Variants in CADPS2 observed in about 807,000 individuals in gnomAD.
CADPS2 encodes calcium dependent secretion activator 2.
CADPS2 carries 93 observed loss-of-function variants against 172.5 expected under a neutral mutation model. The ratio of observed to expected loss-of-function variants is 0.54; its 90% CI spans 0.46 to 0.64. CADPS2 has a LOEUF of 0.64. Ranked by LOEUF, CADPS2 falls within the 30% of genes least tolerant of loss-of-function variation. The probability of loss-of-function intolerance (pLI) is 0.00; values close to 1 mark genes in which losing one functional copy is unlikely to be tolerated. For missense variants in CADPS2, 1,420 were observed against 1,565.9 expected, an observed-to-expected ratio of 0.91 and a Z score of 1.57; for synonymous variants, 546 against 555.2, an observed-to-expected ratio of 0.98 and a Z score of 0.23.
intron 1 of CADPS2, among the ~76,000 whole-genome samples, chr7:122,870,656 T>C (rs1585056411): frequency 6.6e-6 from 1 of 152,056 alleles, no homozygotes; most frequent in African/African-American, 2.4e-5. Context: ...AGAAGATAAG[T>C]TGGTGAGGTG....
At chr7:122,463,934 G>A (rs374178378) in intron 14 of CADPS2, among the ~76,000 whole-genome samples, 10 of 152,112 alleles carry the variant, frequency 6.6e-5, no homozygotes, top group Admixed American at 2.6e-4. Flanking sequence ...AGTTGGAGAC[G>A]TCAGTATGAA....
intron 8 of CADPS2, among the ~76,000 whole-genome samples, chr7:122,550,577 C>A (rs1390923154): frequency 6.6e-6 from 1 of 152,076 alleles, no homozygotes; most frequent in African/African-American, 2.4e-5. Flanking sequence ...TCATAACAGT[C>A]ATTTATTAGT....
At chr7:122,621,960 A>G (rs920264895) in intron 4 of CADPS2, among the ~76,000 whole-genome samples, 2 of 152,316 alleles carry the variant, frequency 1.3e-5, no homozygotes, top group Non-Finnish European at 2.9e-5. Context: ...ATATATTTTC[A>G]CATTAAATTT....
chr7:122,685,784 G>A (rs2083545410), intron 2 of CADPS2, among the ~76,000 whole-genome samples: 1 of 152,148 alleles, frequency 6.6e-6, no homozygotes, highest in African/African-American at 2.4e-5. Flanking sequence ...ATCAATATTT[G>A]TTGAATGAAT....
chr7:122,401,527 C>CTTCT (rs1305336539), intron 20 of CADPS2, among the ~76,000 whole-genome samples: 1 of 152,158 alleles, frequency 6.6e-6, no homozygotes, highest in Non-Finnish European at 1.5e-5. Context: ...ATTGACAGAA[C>CTTCT]AACTATGGAA....
chr7:122,581,291 C>G lies in CADPS2; in HGVS notation c.1224-1G>C. 1 of 1,610,322 alleles carries G rather than the reference C, an allele frequency of 6.2e-7. No individual in the cohort carries two copies. Among genetic ancestry groups the G allele is most frequent in the Non-Finnish European group, 8.5e-7 (1 of 1,176,916 alleles). On this transcript the variant is annotated splice_acceptor_variant, in intron 6 of 29. Coordinates refer to ENST00000449022, the MANE Select transcript of CADPS2 (RefSeq NM_017954.11). LOFTEE classifies it high-confidence loss of function. Reference sequence around the variant, plus strand: ...GGTGAAATCTCCTTGAGTCCCCCATCTGTAATGAAGTAAAAAAAATGTTTC... The same window carrying G: ...GGTGAAATCTCCTTGAGTCCCCCATGTGTAATGAAGTAAAAAAAATGTTTC...
At chr7:122,458,787 TAAG>T (rs1439379156) in intron 14 of CADPS2, among the ~76,000 whole-genome samples, 2 of 152,072 alleles carry the variant, frequency 1.3e-5, no homozygotes, top group Non-Finnish European at 2.9e-5. Context: ...AACAAACAAA[TAAG>T]AAAACTTTCT....
intron 1 of CADPS2, among the ~76,000 whole-genome samples, chr7:122,767,306 T>C (rs1562966903): frequency 6.6e-6 from 1 of 152,150 alleles, no homozygotes; most frequent in Non-Finnish European, 1.5e-5. Context: ...ATTATTCCTA[T>C]ATTAAAGGTG....
At chr7:122,344,105 C>T (rs182017705) in intron 28 of CADPS2, among the ~76,000 whole-genome samples, 576 of 152,258 alleles carry the variant, frequency 3.8e-3, no homozygotes, top group African/African-American at 0.013. Context: ...AACACTGACA[C>T]GAGAGACCAC....
chr7:122,649,897 G>GTTTTTTTTTT (rs1588128117), intron 3 of CADPS2, among the ~76,000 whole-genome samples: 1 of 46,070 alleles, frequency 2.2e-5, no homozygotes, highest in Non-Finnish European at 4.4e-5. Context: ...AGTATTCAAT[G>GTTTTTTTTTT]ATTTTTTTTT....
At chr7:122,701,761 CA>C in intron 2 of CADPS2, 1 of 1,053,032 alleles carries the variant, frequency 9.5e-7, no homozygotes, top group Middle Eastern at 2.1e-4. Context: ...ACATAAAGTA[CA>C]ATAAGACAAT....
At chr7:122,566,232 G>T (rs2066453265) in intron 7 of CADPS2, among the ~76,000 whole-genome samples, 1 of 152,080 alleles carries the variant, frequency 6.6e-6, no homozygotes, top group African/African-American at 2.4e-5. Context: ...CAAGATAAAA[G>T]ATAAGAATGG....
intron 17 of CADPS2, among the ~76,000 whole-genome samples, chr7:122,430,356 G>T (rs1050224527): frequency 6.6e-6 from 1 of 152,176 alleles, no homozygotes; most frequent in Non-Finnish European, 1.5e-5. Context: ...TAATTTTCAG[G>T]AAACAGTAGG....
intron 2 of CADPS2, among the ~76,000 whole-genome samples, chr7:122,689,897 T>C (rs1179892520): frequency 6.6e-6 from 1 of 152,172 alleles, no homozygotes; most frequent in Non-Finnish European, 1.5e-5. Context: ...TCATGGACGC[T>C]AGAGTCAGCC....
At chr7:122,374,185 T>C (rs553588581) in intron 25 of CADPS2, among the ~76,000 whole-genome samples, 3 of 152,172 alleles carry the variant, frequency 2.0e-5, no homozygotes, top group Admixed American at 2.0e-4. Context: ...AGAAAAACAC[T>C]TGACAAAACT....
At chr7:122,649,511 A>G (rs2078913645) in intron 3 of CADPS2, among the ~76,000 whole-genome samples, 2 of 152,168 alleles carry the variant, frequency 1.3e-5, no homozygotes, top group Admixed American at 6.5e-5. Context: ...TATAAAAAAG[A>G]GGCATTGGGC....
chr7:122,539,006 T>C (rs1425338258), intron 8 of CADPS2, among the ~76,000 whole-genome samples: 1 of 152,036 alleles, frequency 6.6e-6, no homozygotes, highest in East Asian at 1.9e-4. Context: ...AAAAATTAAA[T>C]ATCTATAGCA....
chr7:122,801,686 G>A (rs980443337), intron 1 of CADPS2, among the ~76,000 whole-genome samples: 3 of 151,270 alleles, frequency 2.0e-5, no homozygotes, highest in African/African-American at 7.3e-5. Context: ...ATGTAGGAAA[G>A]AAAAAAATGT....
chr7:122,786,228 A>T (rs1332731882), intron 1 of CADPS2, among the ~76,000 whole-genome samples: 1 of 152,196 alleles, frequency 6.6e-6, no homozygotes, highest in Non-Finnish European at 1.5e-5. Flanking sequence ...AATTAGCATC[A>T]TCGGGAAAAT....
Sources: gnomAD v4.1 joint callset for allele counts (sites outside exome capture counted in the v4.1 genomes callset) on GRCh38, gnomAD v4.1.1 for gene constraint, MANE v1.5 for transcripts, NCBI Gene and HGNC (gene_info 2026-07-23, HGNC 2026-07-21) for gene names.